TTLL6: variants seen among roughly 807,000 people sequenced by gnomAD.
TTLL6 encodes the protein tubulin tyrosine ligase like 6.
In TTLL6, 75 loss-of-function variants were observed where a neutral mutation model predicts 96.4. The observed-to-expected ratio is 0.78, with a 90% CI of 0.65 to 0.94. The LOEUF (loss-of-function observed/expected upper bound fraction) is 0.94. Among genes scored for constraint, TTLL6 ranks in the 40% least tolerant of loss-of-function variants. TTLL6 has a pLI of 0.00. For synonymous variants in TTLL6, 411 were observed against 419.4 expected (o/e 0.98, Z 0.24); for missense variants, 1,030 against 1,093.0 (o/e 0.94, Z 0.81).
intron 15 of TTLL6, chr17:48,765,434 C>T (rs1457618026): frequency 6.6e-6 from 1 of 152,132 alleles, no homozygotes; most frequent in Non-Finnish European, 1.5e-5. Flanking sequence ...ATAAAGTGTA[C>T]AACTGTGATT....
At position 48,810,827 on chromosome 17, in the gene TTLL6, A is replaced by G. The variant is rs113717265; in HGVS notation, c.104-5836T>C. ...ATACACATATATAGTATGTGTGTGT[A>G]TATATATATATATATATATATATAT... On this transcript the variant is annotated intron_variant, in intron 1 of 15. Transcript: ENST00000393382. Among the ~76,000 whole-genome samples the G allele has an allele frequency of 3.2e-3, 266 of 82,642 alleles. 1 individual carries two copies. Among genetic ancestry groups the G allele is most frequent in the African/African-American group, 0.011 (125 of 11,086 alleles). The allele number at this position is 82,642 out of a possible 152,430, so 54.2% of individuals were successfully genotyped here.
At chr17:48,797,468 T>C (rs1001595300) in intron 6 of TTLL6, among the ~76,000 whole-genome samples, 3 of 152,098 alleles carry the variant, frequency 2.0e-5, no homozygotes, top group Non-Finnish European at 4.4e-5. Context: ...AGAGGCACCT[T>C]GGCAACTAAA....
chr17:48,771,718 A>G (rs543264736), intron 13 of TTLL6, among the ~76,000 whole-genome samples: 30 of 152,222 alleles, frequency 2.0e-4, no homozygotes, highest in Non-Finnish European at 3.5e-4. Context: ...AACAGAATCC[A>G]GAGACTCTAC....
At chr17:48,800,488 G>A (rs563136032) in intron 5 of TTLL6, among the ~76,000 whole-genome samples, 2 of 152,292 alleles carry the variant, frequency 1.3e-5, no homozygotes, top group Admixed American at 1.3e-4. Flanking sequence ...AGCTCCTGTT[G>A]ACCTGATGGC....
intron 1 of TTLL6, among the ~76,000 whole-genome samples, chr17:48,811,415 G>T (rs1425477750): frequency 6.6e-6 from 1 of 151,860 alleles, no homozygotes; most frequent in Non-Finnish European, 1.5e-5. Context: ...CTCTTTTTTA[G>T]AGACATGGTC....
chr17:48,804,977 G>A lies in TTLL6; in HGVS notation c.118C>T (p.Pro40Ser), dbSNP rs1038161367. ...TCCCTGGCCTGGGAGGAGGCTCTGG[G>A]GAAATACCAGGCCCCTAGAGAGAGG... ...GVGIAGAWYF[P>S]RASSQAREMP... Residue 40 changes from proline to serine, a missense_variant, in exon 2 of 16, where the codon CCC becomes TCC. By Grantham distance (74) the Pro-to-Ser change is moderately conservative (BLOSUM62 -1). Transcript: ENST00000393382. The A allele has an allele frequency of 3.9e-6, 6 of 1,551,424 alleles. No homozygotes were observed. In the African/African-American group the frequency reaches 8.2e-5, roughly 21 times the overall value.
chr17:48,787,685 G>A lies in TTLL6; in HGVS notation c.1589+126C>T, dbSNP rs1003666672. 1.8e-5 allele frequency: 16 copies of A among 912,500 alleles called. No homozygotes were observed. In the East Asian group the frequency reaches 1.8e-4, roughly 10 times the overall value. The allele number at this position is 912,500 out of a possible 1,614,324, so 56.5% of individuals were successfully genotyped here. ...TGCTAGGACTACAGGCGTGAGCCAC[G>A]GCGCCTGGTTGCTCTGGCAACTTTC... is the stretch of plus-strand genomic sequence containing the variant. On this transcript the variant is annotated intron_variant, in intron 11 of 15. Coordinates refer to ENST00000393382, the MANE Select transcript of TTLL6 (RefSeq NM_001130918.3).
At chr17:48,787,629 C>CA (rs1214651493) in intron 11 of TTLL6, among the ~76,000 whole-genome samples, 182 bp downstream of exon 11, 2 of 152,162 alleles carry the variant, frequency 1.3e-5, no homozygotes, top group African/African-American at 2.4e-5. Context: ...CTCCTGGGCT[C>CA]ATGCCATCCA....
intron 11 of TTLL6, among the ~76,000 whole-genome samples, chr17:48,787,343 A>G (rs1357003707): frequency 2.0e-5 from 3 of 152,108 alleles, no homozygotes; most frequent in African/African-American, 7.2e-5. Context: ...GGAATCTTCC[A>G]ATTCCTTGTC....
At chr17:48,790,197 A>C in intron 9 of TTLL6, 91 bp from the exon 10 acceptor site, 1 of 1,380,232 alleles carries the variant, frequency 7.2e-7, no homozygotes, top group Non-Finnish European at 1.0e-6. Flanking sequence ...GCACTACCAA[A>C]GCCCACCTCA....
intron 10 of TTLL6, among the ~76,000 whole-genome samples, chr17:48,789,250 A>C (rs2039169581): frequency 6.6e-6 from 1 of 152,252 alleles, no homozygotes; most frequent in African/African-American, 2.4e-5. Flanking sequence ...GAACAAAGGA[A>C]TATTCAGAGT....
At chr17:48,815,144 T>G (rs2039650814) in intron 1 of TTLL6, among the ~76,000 whole-genome samples, 1 of 152,162 alleles carries the variant, frequency 6.6e-6, no homozygotes, top group African/African-American at 2.4e-5. Flanking sequence ...AAACAATAAT[T>G]TGGTGGTTGA....
intron 1 of TTLL6, 34 bp from the exon 2 acceptor site, chr17:48,805,025 A>G: frequency 6.6e-7 from 1 of 1,506,784 alleles, no homozygotes; most frequent in Non-Finnish European, 9.0e-7. Context: ...GCAGTTACAG[A>G]GATCCACCTG....
At chr17:48,795,241 G>C (rs2039296370) in intron 8 of TTLL6, among the ~76,000 whole-genome samples, 1 of 151,372 alleles carries the variant, frequency 6.6e-6, no homozygotes, top group South Asian at 2.1e-4. Flanking sequence ...CAGGAGAATT[G>C]CTTTAACCCG....
chr17:48,775,385 T>C (rs1044749060), intron 13 of TTLL6, among the ~76,000 whole-genome samples: 16 of 151,906 alleles, frequency 1.1e-4, no homozygotes, highest in African/African-American at 3.6e-4. Flanking sequence ...GTGAGGTTTA[T>C]CCTGGGAATG....
intron 10 of TTLL6, among the ~76,000 whole-genome samples, chr17:48,788,905 G>A (rs552550749): frequency 3.9e-5 from 6 of 152,214 alleles, no homozygotes; most frequent in African/African-American, 1.4e-4. Context: ...GATTAGACTG[G>A]TTCTGCCCAT....
intron 15 of TTLL6, among the ~76,000 whole-genome samples, chr17:48,764,641 A>G (rs754887568): frequency 3.3e-5 from 5 of 152,290 alleles, no homozygotes; most frequent in East Asian, 1.9e-4. Flanking sequence ...TTTATTGTGC[A>G]GAAGCCCTCT....
chr17:48,778,896 C>T (rs2038933323), intron 13 of TTLL6, among the ~76,000 whole-genome samples: 2 of 147,488 alleles, frequency 1.4e-5, no homozygotes, highest in Admixed American at 1.4e-4. Context: ...CACCACTGCA[C>T]TCCAGCCTGG....
At chr17:48,793,262 G>A (rs1325646080) in intron 8 of TTLL6, among the ~76,000 whole-genome samples, 1 of 152,164 alleles carries the variant, frequency 6.6e-6, no homozygotes, top group South Asian at 2.1e-4. Context: ...AACAAGATGG[G>A]AGGGAGAGGA....
Sources: gnomAD v4.1 joint callset for allele counts (sites outside exome capture counted in the v4.1 genomes callset) on GRCh38, gnomAD v4.1.1 for gene constraint, MANE v1.5 for transcripts, NCBI Gene and HGNC (gene_info 2026-07-23, HGNC 2026-07-21) for gene names.